HNRNPM: variants seen among roughly 807,000 people sequenced by gnomAD.
HNRNPM encodes heterogeneous nuclear ribonucleoprotein M, also known as CEA receptor.
A neutral mutation model predicts 73.1 loss-of-function variants in HNRNPM; 11 were observed. That is an observed-to-expected ratio of 0.15 (90% confidence interval 0.09 to 0.25). The LOEUF (loss-of-function observed/expected upper bound fraction) is 0.25, where lower values mean the gene tolerates loss of function less well. Ranked by LOEUF, HNRNPM falls within the 10% of genes least tolerant of loss-of-function variation. The probability of loss-of-function intolerance (pLI) is 1.00; values close to 1 mark genes in which losing one functional copy is unlikely to be tolerated. For missense variants in HNRNPM, 789 were observed against 1,067.9 expected (o/e 0.74, Z 3.64); for synonymous variants, 407 against 355.2 (o/e 1.15, Z -1.64).
Position 8,466,654 on chromosome 19 carries a change from G to A in HNRNPM, c.784+266G>A, listed in dbSNP as rs566483220. Reference sequence around the variant, plus strand: ...AGCCTGGCCAACATGGTGAAACCCCGGCTCTACTAAAAAATGCAAAAATTA... The same window carrying A: ...AGCCTGGCCAACATGGTGAAACCCCAGCTCTACTAAAAAATGCAAAAATTA... On this transcript the variant is annotated intron_variant, in intron 7 of 15. Transcript: ENST00000325495. 4.2e-4 allele frequency among the ~76,000 whole-genome samples: 64 copies of A among 151,922 alleles called. No individual in the cohort carries two copies. The East Asian group carries it at 0.011, about 25-fold the overall frequency.
intron 15 of HNRNPM, chr19:8,487,444 G>T (rs1599865383): frequency 7.5e-6 from 2 of 265,604 alleles, no homozygotes; most frequent in Non-Finnish European, 1.5e-5. Flanking sequence ...CAGCTGGTGT[G>T]GGGCCTCGGA....
In HNRNPM at chr19:8,487,082, G is replaced by T; in HGVS notation, c.2029+7G>T. On this transcript the variant is annotated splice_region_variant and intron_variant, in intron 15 of 15. Transcript: ENST00000325495. ...GACAAATTCAACGAGTGCGGTAAGT[G>T]TTGGGAACGGCTTTGTAGGTGCTTC... 1.9e-6 allele frequency: 3 copies of T among 1,612,114 alleles called. No individual in the cohort carries two copies. The highest frequency in any genetic ancestry group is 2.5e-6 in the Non-Finnish European group (3 of 1,178,122).
chr19:8,463,395 CAT>C (rs1969521934), intron 3 of HNRNPM, 100 bp from the exon 4 acceptor site: 1 of 1,288,508 alleles, frequency 7.8e-7, no homozygotes, highest in African/African-American at 1.5e-5. Flanking sequence ...TGACATAAAT[CAT>C]ATTTTTAGTT....
chr19:8,485,098 G>T (rs1335698712), intron 13 of HNRNPM, among the ~76,000 whole-genome samples: 1 of 151,978 alleles, frequency 6.6e-6, no homozygotes, highest in Non-Finnish European at 1.5e-5. Flanking sequence ...GGAGCGCTGA[G>T]GAAATGCAGC....
intron 1 of HNRNPM, among the ~76,000 whole-genome samples, chr19:8,452,241 A>C (rs755712797): frequency 6.6e-5 from 10 of 152,226 alleles, no homozygotes; most frequent in Non-Finnish European, 1.3e-4. Context: ...AGGTGAGCTT[A>C]AGCAGTCTGG....
chr19:8,473,861 G>A (rs995995117), intron 11 of HNRNPM, among the ~76,000 whole-genome samples, 153 bp downstream of exon 11: 2 of 151,954 alleles, frequency 1.3e-5, no homozygotes, highest in African/African-American at 2.4e-5. Context: ...CATCCTTCCA[G>A]CGGGTGTCTT....
At chr19:8,484,843 G>T (rs1221710008) in intron 13 of HNRNPM, among the ~76,000 whole-genome samples, 1 of 152,166 alleles carries the variant, frequency 6.6e-6, no homozygotes, top group Non-Finnish European at 1.5e-5. Context: ...CTGCTTTCCA[G>T]AGTTGCAAGC....
At position 8,486,085 on chromosome 19, in the gene HNRNPM, ACCGGCCTGGAGCGCATGGGCG is replaced by A. The variant is rs747134187; in HGVS notation, c.1660_1680del (p.Gly554_Ala560del). ...GGGCCCCGTGATGGATCGCATGGCC[ACCGGCCTGGAGCGCATGGGCG>A]CCAACAATCTGGAGCGGATGGGCCT... On this transcript the variant is annotated inframe_deletion, in exon 14 of 16. Coordinates refer to ENST00000325495, the MANE Select transcript of HNRNPM (RefSeq NM_005968.5). 3.1e-6 allele frequency: 5 copies of A among 1,602,380 alleles called. No homozygotes were observed. In the South Asian group the frequency reaches 5.5e-5, roughly 18 times the overall value.
At chr19:8,447,474 A>G (rs1180460554) in intron 1 of HNRNPM, among the ~76,000 whole-genome samples, 4 of 152,204 alleles carry the variant, frequency 2.6e-5, no homozygotes, top group Non-Finnish European at 5.9e-5. Flanking sequence ...TGCTGGGGGC[A>G]GGGACCTGTT....
At chr19:8,482,198 C>T (rs1970969360) in intron 12 of HNRNPM, among the ~76,000 whole-genome samples, 1 of 152,098 alleles carries the variant, frequency 6.6e-6, no homozygotes. Flanking sequence ...CTCAGGTGAT[C>T]CACCCGCCTT....
At chr19:8,447,858 C>A (rs1232050478) in intron 1 of HNRNPM, among the ~76,000 whole-genome samples, 1 of 152,158 alleles carries the variant, frequency 6.6e-6, no homozygotes, top group Non-Finnish European at 1.5e-5. Context: ...AACCCCGTCT[C>A]TACTAAAAAT....
At chr19:8,472,684 G>A (rs1372825681) in intron 10 of HNRNPM, among the ~76,000 whole-genome samples, 1 of 152,228 alleles carries the variant, frequency 6.6e-6, no homozygotes, top group Non-Finnish European at 1.5e-5. Context: ...CTGGGTTCAA[G>A]TGATTCTCCT....
At chr19:8,468,428 ATTTTTTCATTACTCTAAATAGAG>A (rs1969905214) in intron 8 of HNRNPM, among the ~76,000 whole-genome samples, 1 of 152,070 alleles carries the variant, frequency 6.6e-6, no homozygotes, top group South Asian at 2.1e-4. Flanking sequence ...CTATAAAGCA[ATTTTTTCATTACTCTAAATAGAG>A]TAGGTAAGTT....
chr19:8,477,213 C>T (rs76038502), intron 12 of HNRNPM, among the ~76,000 whole-genome samples: 6,111 of 152,074 alleles, frequency 0.04, 275 homozygotes, highest in African/African-American at 0.11. Context: ...TCAAGGACCT[C>T]GCAGCATGAA....
At chr19:8,484,322 G>A (rs547820704) in intron 13 of HNRNPM, among the ~76,000 whole-genome samples, 2 of 152,032 alleles carry the variant, frequency 1.3e-5, no homozygotes, top group Non-Finnish European at 2.9e-5. Context: ...GACTACGGGC[G>A]CACGCCACCA....
chr19:8,479,024 T>A (rs1198031242), intron 12 of HNRNPM, among the ~76,000 whole-genome samples: 1 of 152,022 alleles, frequency 6.6e-6, no homozygotes, highest in Non-Finnish European at 1.5e-5. Flanking sequence ...GAGAAATTAT[T>A]TTTTCAGTTT....
rs1473652085 is a variant in HNRNPM, at chr19:8,465,374, G to A, written c.489G>A (p.Thr163=). 4 of 1,613,558 alleles carry A rather than the reference G, an allele frequency of 2.5e-6. No individual in the cohort carries two copies. Among genetic ancestry groups the A allele is most frequent in the Non-Finnish European group, 2.5e-6 (3 of 1,179,796 alleles). Residue 163 remains threonine, a synonymous_variant, in exon 6 of 16, where the codon ACG becomes ACA. Transcript: ENST00000325495. ...ARRAMQKVMA[T]TGGMGMGPGG... is the part of the protein sequence containing the mutation. The stretch of plus-strand genomic sequence containing the variant: ...GAGCAATGCAAAAGGTGATGGCTAC[G>A]ACTGGTGGGATGGGTATGGGACCAG...
intron 2 of HNRNPM, among the ~76,000 whole-genome samples, chr19:8,461,153 A>C (rs911546156): frequency 2.0e-5 from 3 of 152,222 alleles, no homozygotes. Context: ...GAAACATTTC[A>C]GGAGAGGACA....
chr19:8,483,023 G>GT (rs1971028754), intron 12 of HNRNPM, 135 bp from the exon 13 acceptor site: 2 of 628,908 alleles, frequency 3.2e-6, no homozygotes, highest in African/African-American at 1.8e-5. Flanking sequence ...TTGTCTGTGC[G>GT]TGTGTTTCTC....
Sources: gnomAD v4.1 joint callset for allele counts (sites outside exome capture counted in the v4.1 genomes callset) on GRCh38, gnomAD v4.1.1 for gene constraint, MANE v1.5 for transcripts, NCBI Gene and HGNC (gene_info 2026-07-23, HGNC 2026-07-21) for gene names.